ROBO2: variants seen among roughly 807,000 people sequenced by gnomAD.
ROBO2 encodes the protein roundabout guidance receptor 2, also known as roundabout homolog 2.
ROBO2 carries 53 observed loss-of-function variants against 160.8 expected under a neutral mutation model. That is an observed-to-expected ratio of 0.33 (90% confidence interval 0.26 to 0.41). The LOEUF is 0.41. Ranked by LOEUF, ROBO2 falls within the 10% of genes least tolerant of loss-of-function variation. The probability of loss-of-function intolerance (pLI) is 1.00; values close to 1 mark genes in which losing one functional copy is unlikely to be tolerated. For missense variants in ROBO2, 1,577 were observed against 1,722.4 expected (o/e 0.92, Z 1.49); for synonymous variants, 664 against 611.7 (o/e 1.09, Z -1.26).
chr3:77,012,307 A>G (rs917908856), intron 2 of ROBO2, among the ~76,000 whole-genome samples: 18 of 152,312 alleles, frequency 1.2e-4, no homozygotes, highest in African/African-American at 4.1e-4. Context: ...AGAAATGTAC[A>G]CGTTTGTCTT....
chr3:76,165,650 T>C (rs955687633), intron 2 of ROBO2, among the ~76,000 whole-genome samples: 25 of 152,178 alleles, frequency 1.6e-4, no homozygotes, highest in African/African-American at 6.0e-4. Flanking sequence ...CCTGCCTTAC[T>C]GAGCTTAATC....
chr3:76,966,713 A>G (rs2059313390), intron 2 of ROBO2, among the ~76,000 whole-genome samples: 1 of 152,206 alleles, frequency 6.6e-6, no homozygotes, highest in Non-Finnish European at 1.5e-5. Context: ...AATCATTGCT[A>G]TTCTCACCTA....
At chr3:77,484,373 A>G (rs1341091780) in intron 4 of ROBO2, among the ~76,000 whole-genome samples, 1 of 152,064 alleles carries the variant, frequency 6.6e-6, no homozygotes, top group East Asian at 1.9e-4. Flanking sequence ...TAAAAATGAC[A>G]TGTGGATTTC....
intron 2 of ROBO2, among the ~76,000 whole-genome samples, chr3:77,443,662 A>G (rs572939474): frequency 1.2e-4 from 18 of 152,292 alleles, no homozygotes; most frequent in African/African-American, 3.8e-4. Context: ...ATTTTTACCT[A>G]TATATTAACA....
Position 76,540,430 on chromosome 3 carries a change from C to T in ROBO2, c.110-557584C>T, listed in dbSNP as rs541778380. Among the ~76,000 whole-genome samples, 3 of 152,306 alleles carry T rather than the reference C, an allele frequency of 2.0e-5. No homozygotes were observed. In the East Asian group the frequency reaches 5.8e-4, roughly 29 times the overall value. ...ATGGTCTAACTGACTGACACTATTA[C>T]ATCCCTTTGCTCATTGAAAAATATT... On this transcript the variant is annotated intron_variant, in intron 2 of 26. Transcript: ENST00000487694.
chr3:77,613,770 T>C (rs969834125), intron 21 of ROBO2, among the ~76,000 whole-genome samples: 9 of 152,276 alleles, frequency 5.9e-5, no homozygotes, highest in Admixed American at 5.9e-4. Flanking sequence ...GGAAAAGGTA[T>C]TATAAACATG....
chr3:77,441,595 A>C (rs932842266), intron 2 of ROBO2, among the ~76,000 whole-genome samples: 1 of 152,172 alleles, frequency 6.6e-6, no homozygotes, highest in East Asian at 1.9e-4. Flanking sequence ...AATGAGCTGT[A>C]CTGCATAAGA....
chr3:77,425,990 A>G (rs1470579646), intron 2 of ROBO2, among the ~76,000 whole-genome samples: 1 of 152,046 alleles, frequency 6.6e-6, no homozygotes, highest in East Asian at 1.9e-4. Flanking sequence ...GTGTGACTAG[A>G]AACCATGAAA....
chr3:76,914,944 C>T (rs2076215110), intron 2 of ROBO2, among the ~76,000 whole-genome samples: 1 of 152,180 alleles, frequency 6.6e-6, no homozygotes, highest in Non-Finnish European at 1.5e-5. Context: ...CACTGCCACA[C>T]TGAGGTGACT....
At chr3:76,217,840 C>A (rs950674364) in intron 2 of ROBO2, among the ~76,000 whole-genome samples, 1 of 152,150 alleles carries the variant, frequency 6.6e-6, no homozygotes, top group African/African-American at 2.4e-5. Context: ...GATGCCAAAG[C>A]CTGACAGAGA....
At chr3:77,483,894 T>G (rs1012727015) in intron 4 of ROBO2, among the ~76,000 whole-genome samples, 2 of 151,492 alleles carry the variant, frequency 1.3e-5, no homozygotes, top group Non-Finnish European at 2.9e-5. Context: ...CTGTCTACTT[T>G]CCGAGACATA....
At chr3:77,086,483 A>G (rs2069323572) in intron 1 of ROBO2, among the ~76,000 whole-genome samples, 1 of 152,158 alleles carries the variant, frequency 6.6e-6, no homozygotes, top group African/African-American at 2.4e-5. Flanking sequence ...ACTACCAAAA[A>G]TATACTTTAT....
intron 2 of ROBO2, among the ~76,000 whole-genome samples, chr3:76,403,906 G>C (rs989279434): frequency 6.6e-6 from 1 of 151,586 alleles, no homozygotes; most frequent in East Asian, 1.9e-4. Flanking sequence ...CTTAGTACTT[G>C]AAATACATGA....
chr3:77,601,369 C>A (rs189074309), intron 19 of ROBO2, among the ~76,000 whole-genome samples: 1 of 152,222 alleles, frequency 6.6e-6, no homozygotes, highest in African/African-American at 2.4e-5. Context: ...CACTTAGTAT[C>A]TTTCTTCCAA....
intron 2 of ROBO2, among the ~76,000 whole-genome samples, chr3:77,278,344 A>C (rs1051228029): frequency 6.6e-6 from 1 of 152,100 alleles, no homozygotes; most frequent in African/African-American, 2.4e-5. Context: ...TCCTGATAAC[A>C]CTGTAACTCA....
chr3:77,079,421 T>G (rs1466301651), intron 1 of ROBO2, among the ~76,000 whole-genome samples: 3 of 152,170 alleles, frequency 2.0e-5, no homozygotes, highest in Non-Finnish European at 4.4e-5. Context: ...GGGTTTTTCC[T>G]AACAACAAAG....
intron 2 of ROBO2, among the ~76,000 whole-genome samples, chr3:76,376,146 T>C (rs2108514189): frequency 6.6e-6 from 1 of 152,042 alleles, no homozygotes; most frequent in South Asian, 2.1e-4. Context: ...CTTCCTATTC[T>C]TGGTCTTAAA....
At chr3:76,457,090 C>T (rs2077802789) in intron 2 of ROBO2, among the ~76,000 whole-genome samples, 1 of 152,138 alleles carries the variant, frequency 6.6e-6, no homozygotes, top group Admixed American at 6.6e-5. Context: ...CTCATGTCCT[C>T]ATATTTCAAA....
chr3:76,537,044 AG>A (rs2082545006), intron 2 of ROBO2, among the ~76,000 whole-genome samples: 1 of 152,098 alleles, frequency 6.6e-6, no homozygotes, highest in Admixed American at 6.5e-5. Context: ...GTGGAGGCTG[AG>A]GAAGAATTGG....
Sources: allele counts gnomAD v4.1 joint callset (sites outside exome capture counted in the v4.1 genomes callset), GRCh38; gene constraint gnomAD v4.1.1; transcripts MANE v1.5; gene names NCBI Gene and HGNC (gene_info 2026-07-23, HGNC 2026-07-21).